Variants in PGAP4 observed in about 807,000 individuals in gnomAD.
PGAP4 encodes post-GPI attachment to proteins GalNAc transferase 4.
PGAP4 carries 12 observed loss-of-function variants against 28.2 expected under a neutral mutation model. The observed-to-expected ratio is 0.42, with a 90% confidence interval of 0.27 to 0.69. PGAP4 has a LOEUF of 0.69. Among genes scored for constraint, PGAP4 ranks in the 30% least tolerant of loss-of-function variants. PGAP4 has a pLI of 0.22. For synonymous variants in PGAP4, 205 were observed against 211.8 expected, an observed-to-expected ratio of 0.97 and a Z score of 0.28; for missense variants, 425 against 513.5, an observed-to-expected ratio of 0.83 and a Z score of 1.67.
intron 2 of PGAP4, among the ~76,000 whole-genome samples, chr9:101,505,813 T>G (rs1009575406): frequency 2.6e-5 from 4 of 152,098 alleles, no homozygotes; most frequent in African/African-American, 9.7e-5. Flanking sequence ...AAATGGACTC[T>G]TCCCTGAAAT....
Position 101,473,212 on chromosome 9 carries a change from T to C in PGAP4, c.*2669A>G, listed in dbSNP as rs1826204130. ...GCTTTTATTTTCACAGACATGTCTA[T>C]GCAATACACTCAGTCACAAGAGAGA... is the stretch of plus-strand genomic sequence containing the variant. On this transcript the variant is annotated 3_prime_UTR_variant, in exon 2 of 2. Coordinates refer to ENST00000374848, the MANE Select transcript of PGAP4 (RefSeq NM_032342.3). 6.6e-6 allele frequency: 1 copy of C among 152,226 alleles called. No individual in the cohort carries two copies. Among genetic ancestry groups the C allele is most frequent in the Non-Finnish European group, 1.5e-5 (1 of 68,042 alleles). The allele number at this position is 152,226 out of a possible 1,614,324, so 9.4% of individuals were successfully genotyped here.
At chr9:101,482,360 C>T (rs1238433771) in intron 1 of PGAP4, among the ~76,000 whole-genome samples, 4 of 152,130 alleles carry the variant, frequency 2.6e-5, no homozygotes, top group African/African-American at 9.7e-5. Flanking sequence ...GCAGGAGAAT[C>T]GCTTGAACCA....
chr9:101,527,644 T>C (rs1827046935), intron 2 of PGAP4, among the ~76,000 whole-genome samples: 1 of 152,184 alleles, frequency 6.6e-6, no homozygotes, highest in African/African-American at 2.4e-5. Context: ...CACTTAATGT[T>C]TACTTAAAAT....
chr9:101,490,837 T>A (rs982461703), upstream of PGAP4, among the ~76,000 whole-genome samples: 1 of 152,180 alleles, frequency 6.6e-6, no homozygotes, highest in African/African-American at 2.4e-5. Flanking sequence ...AATATCTCTG[T>A]AGTAAGTTTT....
At position 101,476,018 on chromosome 9, in the gene PGAP4, C is replaced by T; in HGVS notation, c.1075G>A (p.Gly359Ser). 2 of 1,614,208 alleles carry T rather than the reference C, an allele frequency of 1.2e-6. No homozygotes were observed. Among genetic ancestry groups the T allele is most frequent in the Non-Finnish European group, 1.7e-6 (2 of 1,180,040 alleles). Residue 359 changes from glycine to serine, a missense_variant, in exon 2 of 2, where the codon GGC (glycine) becomes AGC (serine). By Grantham distance (56) the Gly-to-Ser change is moderately conservative (BLOSUM62 0). Coordinates refer to ENST00000374848, the MANE Select transcript of PGAP4 (RefSeq NM_032342.3). This position sits in a 1 kb window ranked among gnomAD's most constrained non-coding sequence, Gnocchi z 7.0. ...TYLSQVYCHK[G>S]FGKDMALYSL... ...TACAGTGCCATGTCCTTGCCAAAGC[C>T]CTTGTGGCAGTACACTTGGGACAGG...
At chr9:101,531,054 C>T (rs1827084482) in intron 2 of PGAP4, among the ~76,000 whole-genome samples, 1 of 152,178 alleles carries the variant, frequency 6.6e-6, no homozygotes, top group Non-Finnish European at 1.5e-5. Flanking sequence ...TGCCAGCAGA[C>T]TGCCTTTAGA....
chr9:101,492,146 C>A (rs929333279), upstream of PGAP4, among the ~76,000 whole-genome samples: 1 of 151,418 alleles, frequency 6.6e-6, no homozygotes, highest in Non-Finnish European at 1.5e-5. Context: ...GGCACATATA[C>A]GTTTATGATT....
intron 2 of PGAP4, among the ~76,000 whole-genome samples, chr9:101,499,861 A>G (rs1385348965): frequency 6.6e-6 from 1 of 152,092 alleles, no homozygotes; most frequent in African/African-American, 2.4e-5. Flanking sequence ...TTGCAGACGC[A>G]ATGTTCCTTT....
chr9:101,506,687 A>G (rs907053471), intron 2 of PGAP4, among the ~76,000 whole-genome samples: 3 of 152,092 alleles, frequency 2.0e-5, no homozygotes, highest in Non-Finnish European at 4.4e-5. Flanking sequence ...TAATACTAGT[A>G]TTGAAAGAAT....
intron 2 of PGAP4, among the ~76,000 whole-genome samples, chr9:101,495,106 T>G (rs1826727603): frequency 7.5e-6 from 1 of 132,794 alleles, no homozygotes; most frequent in Non-Finnish European, 1.6e-5. Context: ...TTTCTGCAAT[T>G]TATCAAGTGC....
intron 2 of PGAP4, among the ~76,000 whole-genome samples, chr9:101,505,309 A>C (rs1319766926): frequency 6.6e-6 from 1 of 152,080 alleles, no homozygotes; most frequent in African/African-American, 2.4e-5. Flanking sequence ...GGTACTTGAA[A>C]CCCAGGTTTC....
chr9:101,502,387 T>C (rs1826811423), intron 2 of PGAP4, among the ~76,000 whole-genome samples: 1 of 152,108 alleles, frequency 6.6e-6, no homozygotes, highest in Non-Finnish European at 1.5e-5. Context: ...TGAGTTCTCA[T>C]GGAGATAATT....
intron 2 of PGAP4, among the ~76,000 whole-genome samples, chr9:101,511,038 G>T (rs1320620471): frequency 6.6e-6 from 1 of 152,106 alleles, no homozygotes; most frequent in South Asian, 2.1e-4. Context: ...GCTCCCTAGC[G>T]CTAGCATCAC....
chr9:101,477,497 A>G (rs1826362031), intron 1 of PGAP4, among the ~76,000 whole-genome samples: 1 of 152,152 alleles, frequency 6.6e-6, no homozygotes, highest in African/African-American at 2.4e-5. Flanking sequence ...CATTATTTCT[A>G]TTCACCAGCT....
intron 1 of PGAP4, among the ~76,000 whole-genome samples, chr9:101,484,632 C>T (rs1417979450): frequency 6.6e-6 from 1 of 152,150 alleles, no homozygotes; most frequent in Non-Finnish European, 1.5e-5. Flanking sequence ...GAGATCACTT[C>T]TCTTCTCTGC....
chr9:101,477,627 C>T (rs1453448306), intron 1 of PGAP4, among the ~76,000 whole-genome samples: 1 of 152,100 alleles, frequency 6.6e-6, no homozygotes, highest in Non-Finnish European at 1.5e-5. Flanking sequence ...ATTAACTGTG[C>T]ATATAGCAAT....
chr9:101,509,421 G>A (rs1826876712), intron 2 of PGAP4, among the ~76,000 whole-genome samples: 3 of 152,178 alleles, frequency 2.0e-5, no homozygotes, highest in Admixed American at 6.6e-5. Context: ...TGTCACACAA[G>A]TAAGCAAGTT....
chr9:101,525,721 AGAG>A (rs1237662577), intron 2 of PGAP4, among the ~76,000 whole-genome samples: 1 of 145,728 alleles, frequency 6.9e-6, no homozygotes, highest in Non-Finnish European at 1.5e-5. Context: ...AAAAAAAAAA[AGAG>A]AGAGAGAGAG....
intron 2 of PGAP4, among the ~76,000 whole-genome samples, chr9:101,492,428 G>A (rs972393404): frequency 6.6e-5 from 10 of 152,190 alleles, no homozygotes; most frequent in East Asian, 1.9e-4. Context: ...TCCTGACCTC[G>A]TGATCCGCCC....
Sources: gnomAD v4.1 joint callset for allele counts (sites outside exome capture counted in the v4.1 genomes callset) on GRCh38, gnomAD v4.1.1 for gene constraint, Gnocchi (gnomAD v3.1) non-coding constraint, MANE v1.5 for transcripts, NCBI Gene and HGNC (gene_info 2026-07-23, HGNC 2026-07-21) for gene names.